NTRK2: variants seen among roughly 807,000 people sequenced by gnomAD.
NTRK2 encodes the protein neurotrophic receptor tyrosine kinase 2, also known as BDNF/NT-3 growth factors receptor.
Under a neutral mutation model 94.5 loss-of-function variants are expected in NTRK2, and 13 were observed. That is an observed-to-expected ratio of 0.14 (90% CI 0.09 to 0.22). The LOEUF (loss-of-function observed/expected upper bound fraction) is 0.22, where lower values mean the gene tolerates loss of function less well. NTRK2 is among the 10% of genes least tolerant of loss of function. The probability of loss-of-function intolerance (pLI) is 1.00; values close to 1 mark genes in which losing one functional copy is unlikely to be tolerated. For missense variants in NTRK2, 639 were observed against 1,071.2 expected, an observed-to-expected ratio of 0.60 and a Z score of 5.63; for synonymous variants, 372 against 407.4, an observed-to-expected ratio of 0.91 and a Z score of 1.05.
In NTRK2 at chr9:84,769,104, C is replaced by A. The variant is rs12553106; in HGVS notation, c.1396+17019C>A. On this transcript the variant is annotated intron_variant, in intron 12 of 18. Coordinates refer to ENST00000277120, the MANE Select transcript of NTRK2 (RefSeq NM_006180.6). ...AGCAGAGGTTGGTCAAGGAGAGGAT[C>A]TTTGTCGTAGGGTGTACTCTGCTCT... 8.2e-3 allele frequency among the ~76,000 whole-genome samples: 1,247 copies of A among 152,258 alleles called. 20 individuals are homozygous for A. Among genetic ancestry groups the A allele is most frequent in the East Asian group, 0.044 (226 of 5,178 alleles).
chr9:84,953,368 T>C (rs944831866), intron 16 of NTRK2, among the ~76,000 whole-genome samples: 1 of 152,236 alleles, frequency 6.6e-6, no homozygotes, highest in Non-Finnish European at 1.5e-5. Flanking sequence ...ACAGTGTCAG[T>C]CCTCCTCACA....
chr9:84,738,772 C>T (rs1262014637), intron 9 of NTRK2, among the ~76,000 whole-genome samples: 2 of 152,074 alleles, frequency 1.3e-5, no homozygotes, highest in Non-Finnish European at 2.9e-5. Context: ...GTGCAGTATG[C>T]TTGGGAGAAA....
At chr9:84,799,750 A>G (rs2070160649) in intron 12 of NTRK2, among the ~76,000 whole-genome samples, 1 of 152,162 alleles carries the variant, frequency 6.6e-6, no homozygotes. Context: ...TACTGAATAT[A>G]AACAAGAAAT....
chr9:84,960,646 C>A (rs2133042470), intron 17 of NTRK2, among the ~76,000 whole-genome samples: 1 of 152,286 alleles, frequency 6.6e-6, no homozygotes, highest in Non-Finnish European at 1.5e-5. Context: ...CTATGAGGAG[C>A]AGCATAAGAG....
chr9:84,893,969 C>G (rs553280915), intron 14 of NTRK2, among the ~76,000 whole-genome samples: 1 of 152,214 alleles, frequency 6.6e-6, no homozygotes, highest in African/African-American at 2.4e-5. Context: ...GAATGTGCCC[C>G]ACGAGGCCTG....
At chr9:84,868,062 C>G (rs956113629) in intron 14 of NTRK2, among the ~76,000 whole-genome samples, 1 of 152,196 alleles carries the variant, frequency 6.6e-6, no homozygotes, top group Non-Finnish European at 1.5e-5. Context: ...TTCTAAGGGC[C>G]TTTTGTGCTA....
chr9:84,960,351 G>A (rs978795433), intron 17 of NTRK2, among the ~76,000 whole-genome samples: 4 of 152,180 alleles, frequency 2.6e-5, no homozygotes, highest in African/African-American at 9.7e-5. Context: ...AAGGGTTGAT[G>A]AACTGGAAAA....
At chr9:84,863,087 C>T (rs138819785) in intron 13 of NTRK2, among the ~76,000 whole-genome samples, 389 of 152,204 alleles carry the variant, frequency 2.6e-3, no homozygotes, top group African/African-American at 8.8e-3. Flanking sequence ...AGGATTAGCA[C>T]GGCCCCAGAT....
intron 12 of NTRK2, among the ~76,000 whole-genome samples, chr9:84,816,778 CAAAAAAAAAAAA>C (rs61094948): frequency 4.8e-5 from 4 of 82,650 alleles, no homozygotes; most frequent in African/African-American, 2.0e-4. Context: ...GACTCCATCT[CAAAAAAAAAAAA>C]AAAAAAAAAG....
In NTRK2 at chr9:85,022,965, A is replaced by G. The variant is rs200378124; in HGVS notation, c.*1528A>G. On this transcript the variant is annotated 3_prime_UTR_variant, in exon 19 of 19. Coordinates refer to ENST00000277120, the MANE Select transcript of NTRK2 (RefSeq NM_006180.6). ...GGTCAAGTCCCTTGCTCTGGGCTCT[A>G]GTTGGGAGAGTGGTTTCATTCCAAG... 2.1e-5 allele frequency: 5 copies of G among 232,996 alleles called. No homozygotes were observed. The highest frequency in any genetic ancestry group is 4.2e-5 in the Non-Finnish European group (5 of 117,990). 14.4% of individuals were successfully genotyped at this position (232,996 alleles called of 1,614,324 possible).
At chr9:84,952,449 T>G (rs1464088751) in intron 16 of NTRK2, among the ~76,000 whole-genome samples, 8 of 152,190 alleles carry the variant, frequency 5.3e-5, no homozygotes, top group Non-Finnish European at 8.8e-5. Context: ...TTTTTAATTT[T>G]GTTATTTTTT....
chr9:84,929,379 A>T (rs1263280855), intron 14 of NTRK2, among the ~76,000 whole-genome samples: 4 of 152,160 alleles, frequency 2.6e-5, no homozygotes, highest in Non-Finnish European at 1.5e-5. Context: ...GGTTGCCCAG[A>T]CAGGGTGCAG....
intron 14 of NTRK2, among the ~76,000 whole-genome samples, chr9:84,896,213 A>G (rs1436037348): frequency 6.6e-6 from 1 of 152,234 alleles, no homozygotes; most frequent in African/African-American, 2.4e-5. Context: ...CATTAGGGTG[A>G]ACAAGCATGC....
rs565574979 is a variant in NTRK2, at chr9:84,843,139, A to G, written c.1397-17901A>G. The stretch of plus-strand genomic sequence containing the variant: ...AGCTAATAAAATGCCTCATGCGTAT[A>G]AAGAACTCAGTAGGTGCTAATTCTT... On this transcript the variant is annotated intron_variant, in intron 12 of 18. Coordinates refer to ENST00000277120, the MANE Select transcript of NTRK2 (RefSeq NM_006180.6). Among the ~76,000 whole-genome samples the G allele has an allele frequency of 3.0e-4, 46 of 152,298 alleles. 1 individual carries two copies. The South Asian group carries it at 8.9e-3, about 30-fold the overall frequency.
chr9:84,935,863 T>C (rs1023672572), intron 15 of NTRK2, among the ~76,000 whole-genome samples: 1 of 152,244 alleles, frequency 6.6e-6, no homozygotes, highest in Admixed American at 6.5e-5. Flanking sequence ...ATCTTTTTTT[T>C]CCCCCTTTTG....
chr9:84,847,329 C>T (rs2074520983), intron 12 of NTRK2, among the ~76,000 whole-genome samples: 2 of 152,200 alleles, frequency 1.3e-5, no homozygotes, highest in African/African-American at 4.8e-5. Flanking sequence ...TGCCCAATCC[C>T]TGTGTTAGTT....
intron 14 of NTRK2, among the ~76,000 whole-genome samples, chr9:84,894,857 G>A (rs1010294982): frequency 2.6e-5 from 4 of 152,218 alleles, no homozygotes; most frequent in African/African-American, 9.6e-5. Flanking sequence ...TACAGACAAA[G>A]CTCAATAGAT....
At chr9:84,978,735 C>T (rs1477033667) in intron 17 of NTRK2, among the ~76,000 whole-genome samples, 2 of 152,206 alleles carry the variant, frequency 1.3e-5, no homozygotes, top group Non-Finnish European at 2.9e-5. Context: ...AAGTCAGTGC[C>T]TGGCTTCAAA....
intron 15 of NTRK2, 46 bp downstream of exon 15, chr9:84,934,338 C>G (rs775949124): frequency 6.2e-7 from 1 of 1,604,576 alleles, no homozygotes; most frequent in Non-Finnish European, 8.5e-7. Flanking sequence ...ATCACACTTA[C>G]GTGTGGAAAT....
Sources: gnomAD v4.1 joint callset for allele counts (sites outside exome capture counted in the v4.1 genomes callset) on GRCh38, gnomAD v4.1.1 for gene constraint, MANE v1.5 for transcripts, NCBI Gene and HGNC (gene_info 2026-07-23, HGNC 2026-07-21) for gene names.